SPAG16: variants seen among roughly 807,000 people sequenced by gnomAD.
SPAG16 encodes the protein sperm associated antigen 16, also known as sperm-associated antigen 16 protein.
Under a neutral mutation model 80.4 loss-of-function variants are expected in SPAG16, and 86 were observed. The ratio of observed to expected loss-of-function variants is 1.07; its 90% CI spans 0.90 to 1.28. SPAG16 has a LOEUF of 1.28. SPAG16 is among the 50% of genes most tolerant of loss of function. The pLI, the probability that SPAG16 is intolerant of heterozygous loss-of-function variation, is 0.00. For missense variants in SPAG16, 870 were observed against 765.3 expected (o/e 1.14, Z -1.61); for synonymous variants, 294 against 265.9 (o/e 1.11, Z -1.03).
intron 9 of SPAG16, among the ~76,000 whole-genome samples, chr2:213,476,854 G>A (rs1326519888): frequency 1.3e-5 from 2 of 151,980 alleles, no homozygotes; most frequent in Admixed American, 6.6e-5. Context: ...TTTCATTCAA[G>A]CAGTTCAGAG....
At chr2:213,360,289 T>G (rs1011251621) in intron 7 of SPAG16, among the ~76,000 whole-genome samples, 5 of 152,190 alleles carry the variant, frequency 3.3e-5, no homozygotes, top group Non-Finnish European at 7.4e-5. Flanking sequence ...TTGTTCAGAA[T>G]CCAAAATGGG....
intron 13 of SPAG16, among the ~76,000 whole-genome samples, chr2:214,084,569 C>T (rs929434843): frequency 3.9e-5 from 6 of 152,114 alleles, no homozygotes; most frequent in African/African-American, 1.4e-4. Context: ...TCCAACCCAC[C>T]AGTGTTTTAG....
chr2:213,794,323 T>C (rs2070885940), intron 10 of SPAG16, among the ~76,000 whole-genome samples: 1 of 152,292 alleles, frequency 6.6e-6, no homozygotes, highest in South Asian at 2.1e-4. Flanking sequence ...ACATAACTTA[T>C]ATGCACATTG....
chr2:214,204,268 TA>T (rs781346628), intron 15 of SPAG16, among the ~76,000 whole-genome samples: 4 of 152,166 alleles, frequency 2.6e-5, no homozygotes, highest in Non-Finnish European at 4.4e-5. Flanking sequence ...TCAAAGGACA[TA>T]ATCTTTTGGG....
chr2:214,116,096 A>T (rs1246866287), intron 14 of SPAG16, among the ~76,000 whole-genome samples: 1 of 152,080 alleles, frequency 6.6e-6, no homozygotes, highest in Non-Finnish European at 1.5e-5. Flanking sequence ...CCTAGGAATA[A>T]CCTCATTTCC....
chr2:213,694,321 A>G (rs2065072225), intron 10 of SPAG16, among the ~76,000 whole-genome samples: 1 of 152,218 alleles, frequency 6.6e-6, no homozygotes, highest in Admixed American at 6.5e-5. Context: ...TCTCATTGAT[A>G]TCCTTTTTCT....
intron 8 of SPAG16, among the ~76,000 whole-genome samples, chr2:213,369,008 A>G (rs190621456): frequency 1.3e-5 from 2 of 152,338 alleles, no homozygotes; most frequent in East Asian, 1.9e-4. Flanking sequence ...CTTGAAAGCA[A>G]TAATACAAAT....
intron 10 of SPAG16, among the ~76,000 whole-genome samples, chr2:213,598,494 A>G (rs765622766): frequency 1.2e-4 from 18 of 152,186 alleles, no homozygotes; most frequent in Non-Finnish European, 2.5e-4. Flanking sequence ...TTAGGGTACT[A>G]AACATTGATG....
chr2:213,425,502 A>T (rs113753566), intron 9 of SPAG16, among the ~76,000 whole-genome samples: 6,617 of 152,006 alleles, frequency 0.044, 163 homozygotes, highest in Middle Eastern at 0.082. Flanking sequence ...ATACAAAAAA[A>T]TTAACTGGGT....
chr2:214,018,014 A>C (rs1008319453), intron 13 of SPAG16, among the ~76,000 whole-genome samples: 2 of 152,152 alleles, frequency 1.3e-5, no homozygotes, highest in African/African-American at 4.8e-5. Flanking sequence ...TTTTCTAAAA[A>C]TATTTTCAAA....
chr2:213,786,891 A>G (rs2070377229), intron 10 of SPAG16, among the ~76,000 whole-genome samples: 1 of 152,176 alleles, frequency 6.6e-6, no homozygotes, highest in Admixed American at 6.5e-5. Context: ...AATTAGTAAT[A>G]GTTACTAGAG....
intron 11 of SPAG16, among the ~76,000 whole-genome samples, chr2:213,901,666 T>C (rs2077226368): frequency 6.6e-6 from 1 of 152,082 alleles, no homozygotes; most frequent in African/African-American, 2.4e-5. Flanking sequence ...GTCCCACTTA[T>C]TGTAGTGAAT....
At chr2:214,133,784 A>G (rs990265267) in intron 14 of SPAG16, among the ~76,000 whole-genome samples, 1 of 152,200 alleles carries the variant, frequency 6.6e-6, no homozygotes, top group Non-Finnish European at 1.5e-5. Flanking sequence ...TTTTGGAGGC[A>G]AATTTCAACT....
intron 10 of SPAG16, among the ~76,000 whole-genome samples, chr2:213,526,562 C>A (rs1036204194): frequency 6.6e-6 from 1 of 152,124 alleles, no homozygotes; most frequent in Non-Finnish European, 1.5e-5. Flanking sequence ...CAACTTGGAG[C>A]CTCCTTTTGG....
At chr2:214,249,875 A>G (rs1279209641) in intron 15 of SPAG16, among the ~76,000 whole-genome samples, 2 of 152,202 alleles carry the variant, frequency 1.3e-5, no homozygotes, top group Non-Finnish European at 2.9e-5. Context: ...TTACAGTAAC[A>G]ACTAAAACTC....
intron 10 of SPAG16, among the ~76,000 whole-genome samples, chr2:213,716,949 T>A (rs2066261335): frequency 6.6e-6 from 1 of 152,178 alleles, no homozygotes; most frequent in African/African-American, 2.4e-5. Flanking sequence ...TTCCTGCACA[T>A]CCTTTGGTTC....
chr2:213,346,328 C>G (rs2064987354), intron 6 of SPAG16, among the ~76,000 whole-genome samples: 3 of 152,176 alleles, frequency 2.0e-5, no homozygotes, highest in African/African-American at 7.2e-5. Context: ...CATCTGCAAG[C>G]AGGGACAATT....
At chr2:213,686,321 ATTGGCC>A (rs1164393487) in intron 10 of SPAG16, among the ~76,000 whole-genome samples, 1 of 152,052 alleles carries the variant, frequency 6.6e-6, no homozygotes, top group Non-Finnish European at 1.5e-5. Context: ...GTTTCACTAT[ATTGGCC>A]AAGCTGATCC....
chr2:213,381,736 A>T (rs779344350), intron 9 of SPAG16, among the ~76,000 whole-genome samples: 2 of 152,206 alleles, frequency 1.3e-5, no homozygotes, highest in Non-Finnish European at 1.5e-5. Context: ...CTATTGTGAG[A>T]GATGTAGCCA....
Sources: gnomAD v4.1 joint callset for allele counts (sites outside exome capture counted in the v4.1 genomes callset) on GRCh38, gnomAD v4.1.1 for gene constraint, MANE v1.5 for transcripts, NCBI Gene and HGNC (gene_info 2026-07-23, HGNC 2026-07-21) for gene names.